Variants in CSMD3 observed in about 807,000 individuals in gnomAD.
The protein encoded by CSMD3 is CUB and sushi domain-containing protein 3.
In CSMD3, 177 loss-of-function variants were observed where a neutral mutation model predicts 435.2. That is an observed-to-expected ratio of 0.41 (90% CI 0.36 to 0.46). The LOEUF (loss-of-function observed/expected upper bound fraction) is 0.46, where lower values mean the gene tolerates loss of function less well. CSMD3 is among the 20% of genes least tolerant of loss of function. The pLI, the probability that CSMD3 is intolerant of heterozygous loss-of-function variation, is 0.34. For synonymous variants in CSMD3, 1,656 were observed against 1,520.5 expected (o/e 1.09, Z -2.07); for missense variants, 4,265 against 4,504.6 (o/e 0.95, Z 1.52).
chr8:113,251,418 C>CA (rs1269637949), intron 3 of CSMD3, among the ~76,000 whole-genome samples: 1 of 151,972 alleles, frequency 6.6e-6, no homozygotes, highest in Non-Finnish European at 1.5e-5. Flanking sequence ...TGATGAGACA[C>CA]AGAGATTTTT....
intron 49 of CSMD3, among the ~76,000 whole-genome samples, chr8:112,311,486 G>A (rs889458561): frequency 2.0e-5 from 3 of 152,108 alleles, no homozygotes; most frequent in Admixed American, 6.6e-5. Flanking sequence ...TTTGGAAACC[G>A]CATTTCCTGT....
At chr8:112,367,043 C>T (rs994828790) in intron 38 of CSMD3, among the ~76,000 whole-genome samples, 13 of 151,896 alleles carry the variant, frequency 8.6e-5, no homozygotes, top group African/African-American at 2.7e-4. Context: ...TATTACCTTG[C>T]TTTGTATGTC....
intron 13 of CSMD3, among the ~76,000 whole-genome samples, chr8:112,691,307 A>G (rs1344106692): frequency 6.6e-6 from 1 of 152,232 alleles, no homozygotes; most frequent in Non-Finnish European, 1.5e-5. Context: ...ACATTGGTCT[A>G]TAACTTTTTT....
At chr8:113,218,964 A>G (rs1277768413) in intron 3 of CSMD3, among the ~76,000 whole-genome samples, 1 of 151,384 alleles carries the variant, frequency 6.6e-6, no homozygotes. Flanking sequence ...GGACAGGGAA[A>G]CAGCCAAACC....
intron 4 of CSMD3, among the ~76,000 whole-genome samples, chr8:113,137,621 C>A (rs187739771): frequency 6.6e-6 from 1 of 151,618 alleles, no homozygotes; most frequent in East Asian, 1.9e-4. Context: ...CTTGTTACTG[C>A]ATTCTCTATA....
intron 22 of CSMD3, among the ~76,000 whole-genome samples, chr8:112,619,677 C>G (rs191181637): frequency 5.7e-4 from 87 of 152,198 alleles, no homozygotes; most frequent in Middle Eastern, 3.4e-3. Flanking sequence ...GCCAGCTACT[C>G]AGTTTGCACA....
chr8:112,252,646 C>T (rs533530075), intron 63 of CSMD3, among the ~76,000 whole-genome samples: 59 of 146,494 alleles, frequency 4.0e-4, no homozygotes, highest in Middle Eastern at 7.5e-3. Flanking sequence ...TAGATCTATA[C>T]AGATTTAGTT....
At chr8:113,358,726 T>C (rs1488899504) in intron 1 of CSMD3, among the ~76,000 whole-genome samples, 1 of 152,132 alleles carries the variant, frequency 6.6e-6, no homozygotes, top group Non-Finnish European at 1.5e-5. Flanking sequence ...TCGTGCCACA[T>C]AGCAAAATAG....
intron 46 of CSMD3, among the ~76,000 whole-genome samples, chr8:112,319,602 A>G (rs1206460124): frequency 6.6e-6 from 1 of 152,218 alleles, no homozygotes; most frequent in Non-Finnish European, 1.5e-5. Context: ...TTAGAACTAT[A>G]GTGTCAGAAG....
In CSMD3 at chr8:112,343,016, T is replaced by TA. The variant is rs398009418; in HGVS notation, c.6443-1331_6443-1330insT. Among the ~76,000 whole-genome samples, 409 of 93,106 alleles carry TA rather than the reference T, an allele frequency of 4.4e-3. 8 individuals carry two copies. The highest frequency in any genetic ancestry group is 0.024 in the East Asian group (91 of 3,858). 61.1% of individuals were successfully genotyped at this position (93,106 alleles called of 152,430 possible). On this transcript the variant is annotated intron_variant, in intron 41 of 70. Coordinates refer to ENST00000297405, the MANE Select transcript of CSMD3 (RefSeq NM_198123.2). The stretch of plus-strand genomic sequence containing the variant: ...ATATATATATTTATATATATATATA[T>TA]TTATATATATATATATAGTTTAAAT...
intron 2 of CSMD3, among the ~76,000 whole-genome samples, chr8:113,300,045 T>C (rs1056317454): frequency 6.6e-6 from 1 of 150,808 alleles, no homozygotes; most frequent in African/African-American, 2.4e-5. Context: ...TCCCAGCTAC[T>C]TGGGAGGCTG....
chr8:112,646,843 A>G (rs995160122), intron 19 of CSMD3, among the ~76,000 whole-genome samples: 1 of 152,184 alleles, frequency 6.6e-6, no homozygotes, highest in Non-Finnish European at 1.5e-5. Context: ...AGCTTTTTTT[A>G]TAAGATGAAA....
chr8:113,184,144 T>C (rs1013362580), intron 3 of CSMD3, among the ~76,000 whole-genome samples: 6 of 151,930 alleles, frequency 3.9e-5, no homozygotes, highest in Non-Finnish European at 8.8e-5. Flanking sequence ...CAGAAGATAT[T>C]ACACAGGATA....
chr8:112,287,742 G>A (rs144158482), intron 57 of CSMD3, among the ~76,000 whole-genome samples: 86 of 152,150 alleles, frequency 5.7e-4, no homozygotes, highest in African/African-American at 2.0e-3. Context: ...TGATAGCCTA[G>A]GTTTCTCTCT....
chr8:112,333,194 C>T (rs548144837), intron 45 of CSMD3, among the ~76,000 whole-genome samples: 2 of 152,206 alleles, frequency 1.3e-5, no homozygotes, highest in East Asian at 3.9e-4. Context: ...TGAGACAGAG[C>T]TTCACTCTTG....
At chr8:112,416,774 T>G (rs1811958287) in intron 32 of CSMD3, among the ~76,000 whole-genome samples, 1 of 152,056 alleles carries the variant, frequency 6.6e-6, no homozygotes, top group East Asian at 1.9e-4. Flanking sequence ...GGGGAATAAT[T>G]CTCTGAGTAT....
At chr8:112,239,934 T>G (rs1460102433) in intron 66 of CSMD3, among the ~76,000 whole-genome samples, 2 of 152,078 alleles carry the variant, frequency 1.3e-5, no homozygotes, top group Non-Finnish European at 1.5e-5. Context: ...TAATATTCTC[T>G]TAATAGGGAC....
At chr8:113,036,784 T>A (rs1245419750) in intron 5 of CSMD3, among the ~76,000 whole-genome samples, 1 of 152,124 alleles carries the variant, frequency 6.6e-6, no homozygotes, top group Non-Finnish European at 1.5e-5. Context: ...TCTGGGTAAA[T>A]AAGTGAATAG....
rs201432822 is a variant in CSMD3, at chr8:112,733,392, A to T, written c.1973-43342T>A. 8.3e-5 allele frequency among the ~76,000 whole-genome samples: 12 copies of T among 145,368 alleles called. No homozygotes were observed. The East Asian group carries it at 1.0e-3, about 12-fold the overall frequency. ...TAAGTGCTTGTTAGTTTTTTTTTTT[A>T]AATTAACATTAAGTAAAGTCTTTAA... On this transcript the variant is annotated intron_variant, in intron 13 of 70. Coordinates refer to ENST00000297405, the MANE Select transcript of CSMD3 (RefSeq NM_198123.2).
Sources: allele counts gnomAD v4.1 joint callset (sites outside exome capture counted in the v4.1 genomes callset), GRCh38; gene constraint gnomAD v4.1.1; transcripts MANE v1.5; gene names NCBI Gene and HGNC (gene_info 2026-07-23, HGNC 2026-07-21).